The following RBFOX1 variants were observed in gnomAD, a reference collection of about 807,000 sequenced individuals.
RBFOX1 encodes RNA binding fox-1 homolog 1, also known as RNA binding protein fox-1 homolog 1.
RBFOX1 carries 8 observed loss-of-function variants against 57.7 expected under a neutral mutation model. The observed-to-expected ratio is 0.14, with a 90% CI of 0.08 to 0.25. RBFOX1 has a LOEUF of 0.25. Ranked by LOEUF, RBFOX1 falls within the 10% of genes least tolerant of loss-of-function variation. The pLI, the probability that RBFOX1 is intolerant of heterozygous loss-of-function variation, is 1.00. For synonymous variants in RBFOX1, 326 were observed against 222.4 expected, an observed-to-expected ratio of 1.47 and a Z score of -4.15; for missense variants, 611 against 548.5, an observed-to-expected ratio of 1.11 and a Z score of -1.14.
At chr16:7,289,538 T>C (rs146227316) in intron 4 of RBFOX1, among the ~76,000 whole-genome samples, 241 of 152,216 alleles carry the variant, frequency 1.6e-3, no homozygotes, top group Middle Eastern at 3.4e-3. Flanking sequence ...ATTATCACCA[T>C]CAGCATCAAT....
intron 1 of RBFOX1, among the ~76,000 whole-genome samples, chr16:6,252,525 C>G (rs1175654929): frequency 6.6e-6 from 1 of 152,156 alleles, no homozygotes; most frequent in Non-Finnish European, 1.5e-5. Context: ...GAAGTCGACC[C>G]GAAGGAATTC....
intron 14 of RBFOX1, 77 bp downstream of exon 14, chr16:7,676,915 T>G: frequency 7.0e-7 from 1 of 1,433,088 alleles, no homozygotes; most frequent in Non-Finnish European, 9.8e-7. Flanking sequence ...TCTTGTATGG[T>G]CTTGGTGAAA....
chr16:6,535,523 T>C (rs1287337711), intron 2 of RBFOX1, among the ~76,000 whole-genome samples: 1 of 152,218 alleles, frequency 6.6e-6, no homozygotes, highest in Non-Finnish European at 1.5e-5. Context: ...CCATGTGGTT[T>C]GTTCACATGT....
At chr16:7,056,385 C>A (rs1448536728) in intron 4 of RBFOX1, among the ~76,000 whole-genome samples, 1 of 152,156 alleles carries the variant, frequency 6.6e-6, no homozygotes, top group Non-Finnish European at 1.5e-5. Context: ...CTGGATTCTT[C>A]TGGGGACATG....
intron 14 of RBFOX1, among the ~76,000 whole-genome samples, chr16:7,691,147 C>G (rs949021146): frequency 2.6e-5 from 4 of 151,794 alleles, no homozygotes; most frequent in African/African-American, 4.8e-5. Context: ...ATGGATACGT[C>G]AAAAAAATAC....
At chr16:6,296,023 G>T (rs1599317652) in intron 1 of RBFOX1, among the ~76,000 whole-genome samples, 1 of 152,156 alleles carries the variant, frequency 6.6e-6, no homozygotes, top group Non-Finnish European at 1.5e-5. Context: ...ATCAAACAAC[G>T]TCTCCCTCTT....
chr16:6,605,704 A>G (rs1320105886), intron 2 of RBFOX1, among the ~76,000 whole-genome samples: 1 of 152,216 alleles, frequency 6.6e-6, no homozygotes, highest in Non-Finnish European at 1.5e-5. Flanking sequence ...CAGGGCCTAG[A>G]TGCTGTGTCA....
chr16:6,640,533 G>A (rs766893038), intron 2 of RBFOX1, among the ~76,000 whole-genome samples: 3 of 152,014 alleles, frequency 2.0e-5, no homozygotes, highest in East Asian at 1.9e-4. Flanking sequence ...GCGTGAACCC[G>A]GGAAGCGGAG....
At chr16:6,821,133 T>A (rs189478017) in intron 3 of RBFOX1, among the ~76,000 whole-genome samples, 2 of 152,306 alleles carry the variant, frequency 1.3e-5, no homozygotes, top group African/African-American at 4.8e-5. Context: ...GTGATGAGAT[T>A]CAGTGCCAGG....
intron 3 of RBFOX1, among the ~76,000 whole-genome samples, chr16:7,013,949 C>T (rs942682177): frequency 8.5e-5 from 13 of 152,082 alleles, no homozygotes; most frequent in Non-Finnish European, 1.0e-4. Flanking sequence ...TGAGCCACGG[C>T]GCTTGGCTAA....
intron 4 of RBFOX1, among the ~76,000 whole-genome samples, chr16:5,988,683 G>T (rs1004525377): frequency 6.6e-6 from 1 of 152,208 alleles, no homozygotes; most frequent in East Asian, 1.9e-4. Flanking sequence ...AGGAATGAAA[G>T]GCCAGGGGTT....
intron 1 of RBFOX1, among the ~76,000 whole-genome samples, chr16:5,316,625 C>T (rs569368480): frequency 6.6e-6 from 1 of 152,194 alleles, no homozygotes; most frequent in Non-Finnish European, 1.5e-5. Context: ...AATAAGAATA[C>T]CTACTGTGAT....
intron 3 of RBFOX1, among the ~76,000 whole-genome samples, chr16:5,703,767 A>C (rs1448221710): frequency 6.6e-6 from 1 of 152,052 alleles, no homozygotes; most frequent in Non-Finnish European, 1.5e-5. Flanking sequence ...GTATATGTGC[A>C]TGTGTATTTA....
chr16:6,437,043 T>G (rs1159628077), intron 2 of RBFOX1, among the ~76,000 whole-genome samples: 1 of 152,190 alleles, frequency 6.6e-6, no homozygotes, highest in Non-Finnish European at 1.5e-5. Flanking sequence ...TTACTCAGTA[T>G]TTTTGGCTCT....
intron 14 of RBFOX1, among the ~76,000 whole-genome samples, chr16:7,692,491 A>G (rs8063502): frequency 0.98 from 148,736 of 152,082 alleles, 72,828 homozygotes; most frequent in East Asian, 1. Context: ...CCATAAGCAT[A>G]ATAAAAATCT....
chr16:6,047,466 G>T (rs2095506893), intron 1 of RBFOX1, among the ~76,000 whole-genome samples: 1 of 152,200 alleles, frequency 6.6e-6, no homozygotes, highest in African/African-American at 2.4e-5. Context: ...GAGGCCAGAT[G>T]CTATGTGACC....
chr16:6,266,785 AG>A (rs1410891181), intron 1 of RBFOX1, among the ~76,000 whole-genome samples: 2 of 151,992 alleles, frequency 1.3e-5, no homozygotes, highest in East Asian at 3.9e-4. Flanking sequence ...TTAGAATGTT[AG>A]AATCCTTAAA....
chr16:6,946,891 G>T (rs778964632), intron 3 of RBFOX1, among the ~76,000 whole-genome samples: 2 of 152,122 alleles, frequency 1.3e-5, no homozygotes, highest in Non-Finnish European at 2.9e-5. Flanking sequence ...TTATAGGTAT[G>T]AGTCACCACA....
chr16:6,998,667 C>T (rs1198652739), intron 3 of RBFOX1, among the ~76,000 whole-genome samples: 1 of 152,038 alleles, frequency 6.6e-6, no homozygotes, highest in Non-Finnish European at 1.5e-5. Context: ...GTGTTCCTTT[C>T]CCTCAGACTA....
Sources: gnomAD v4.1 joint callset for allele counts (sites outside exome capture counted in the v4.1 genomes callset) on GRCh38, gnomAD v4.1.1 for gene constraint, MANE v1.5 for transcripts, NCBI Gene and HGNC (gene_info 2026-07-23, HGNC 2026-07-21) for gene names.